The following NECTIN2 variants were observed in gnomAD, a reference collection of about 807,000 sequenced individuals.
NECTIN2 encodes the protein nectin cell adhesion molecule 2.
NECTIN2 carries 23 observed loss-of-function variants against 56.9 expected under a neutral mutation model. The observed-to-expected ratio is 0.40, with a 90% CI of 0.29 to 0.57. The LOEUF is 0.57. Among genes scored for constraint, NECTIN2 ranks in the 20% least tolerant of loss-of-function variants. The probability of loss-of-function intolerance (pLI) is 0.38; values close to 1 mark genes in which losing one functional copy is unlikely to be tolerated. For missense variants in NECTIN2, 587 were observed against 718.3 expected (o/e 0.82, Z 2.09); for synonymous variants, 302 against 313.8 (o/e 0.96, Z 0.40).
rs1014915329 is a variant in NECTIN2 at position 44,865,811 on chromosome 19, C to T, written c.478+151C>T. 2.4e-5 allele frequency: 23 copies of T among 956,934 alleles called. No homozygotes were observed. The highest frequency in any genetic ancestry group is 3.2e-4 in the Middle Eastern group (1 of 3,094). 59.3% of individuals were successfully genotyped at this position (956,934 alleles called of 1,614,324 possible). On this transcript the variant is annotated intron_variant, in intron 2 of 8. Transcript: ENST00000252483. The surrounding 1 kb of genome is among the most constrained non-coding windows in gnomAD (Gnocchi z 5.2). ...CAGCAAATGTTCATTAAGCACCTACCGCGTGCCAGATGCTTTTCTGTGTGC... is the reference window on the plus strand; with the variant it reads ...CAGCAAATGTTCATTAAGCACCTACTGCGTGCCAGATGCTTTTCTGTGTGC...
intron 2 of NECTIN2, among the ~76,000 whole-genome samples, chr19:44,866,483 A>G (rs1969103033): frequency 6.6e-6 from 1 of 152,016 alleles, no homozygotes; most frequent in Non-Finnish European, 1.5e-5. Context: ...AATTCTAGCT[A>G]AGGAGGTCTG....
intron 3 of NECTIN2, among the ~76,000 whole-genome samples, chr19:44,872,892 ATTG>A (rs1462324113): frequency 1.4e-5 from 2 of 147,728 alleles, no homozygotes; most frequent in Non-Finnish European, 3.0e-5. Context: ...ATTATTTATT[ATTG>A]TTATTTAATA....
chr19:44,863,153 G>C (rs403729), intron 1 of NECTIN2, among the ~76,000 whole-genome samples: 50,384 of 151,456 alleles, frequency 0.33, 9,239 homozygotes, highest in Non-Finnish European at 0.39. Flanking sequence ...CAGTGCGAGA[G>C]TCTGTCTCAA....
Position 44,875,965 on chromosome 19 carries a change from G to A in NECTIN2, c.1042+1487G>A, listed in dbSNP as rs1969232138. On this transcript the variant is annotated intron_variant, in intron 5 of 8. Coordinates refer to ENST00000252483, the MANE Select transcript of NECTIN2 (RefSeq NM_001042724.2). The surrounding 1 kb of genome is among the most constrained non-coding windows in gnomAD (Gnocchi z 4.2). ...GGAAGACGTCACACAGACACGCTGGGGGCAAAACTAATCCAGGACAGCAAC... is the reference window on the plus strand; with the variant it reads ...GGAAGACGTCACACAGACACGCTGGAGGCAAAACTAATCCAGGACAGCAAC... Among the ~76,000 whole-genome samples the A allele has an allele frequency of 6.6e-6, 1 of 152,098 alleles. No homozygotes were observed. The highest frequency in any genetic ancestry group is 2.1e-4 in the South Asian group (1 of 4,830).
intron 6 of NECTIN2, 100 bp downstream of exon 6, chr19:44,882,464 G>T: frequency 8.6e-7 from 1 of 1,161,194 alleles, no homozygotes; most frequent in Non-Finnish European, 1.1e-6. Context: ...TAATGGCTGT[G>T]TGAAACAGAC....
intron 1 of NECTIN2, among the ~76,000 whole-genome samples, chr19:44,853,052 C>T (rs1968919428): frequency 2.0e-5 from 3 of 151,296 alleles, no homozygotes; most frequent in Admixed American, 6.6e-5. Flanking sequence ...GTTGAGGCTG[C>T]GGCAAGCTGG....
intron 3 of NECTIN2, among the ~76,000 whole-genome samples, chr19:44,872,758 G>C (rs748699481): frequency 1.4e-5 from 2 of 146,250 alleles, no homozygotes; most frequent in Non-Finnish European, 3.0e-5. Flanking sequence ...TCTCTACACC[G>C]ACCCCTGATC....
At chr19:44,860,312 C>T (rs1969017534) in intron 1 of NECTIN2, among the ~76,000 whole-genome samples, 2 of 152,038 alleles carry the variant, frequency 1.3e-5, no homozygotes, top group African/African-American at 4.8e-5. Flanking sequence ...ATCGCTTGAG[C>T]TCAGGAGCCT....
intron 1 of NECTIN2, among the ~76,000 whole-genome samples, chr19:44,864,907 G>T (rs1969079311): frequency 1.3e-5 from 2 of 151,998 alleles, no homozygotes; most frequent in African/African-American, 4.8e-5. Flanking sequence ...ACATATTTTG[G>T]TTTTTGCTGA....
chr19:44,876,401 C>T (rs1235064909), intron 5 of NECTIN2, among the ~76,000 whole-genome samples: 3 of 152,180 alleles, frequency 2.0e-5, no homozygotes, highest in African/African-American at 2.4e-5. Context: ...AAAGACTCAG[C>T]GCTGTGGAAA....
intron 3 of NECTIN2, among the ~76,000 whole-genome samples, chr19:44,873,256 C>T (rs1381712936): frequency 6.6e-6 from 1 of 152,172 alleles, no homozygotes; most frequent in Non-Finnish European, 1.5e-5. Context: ...AACAGCTCCC[C>T]TGAGCCTCGT....
At chr19:44,862,278 G>A (rs1257128749) in intron 1 of NECTIN2, among the ~76,000 whole-genome samples, 1 of 69,166 alleles carries the variant, frequency 1.4e-5, no homozygotes, top group Non-Finnish European at 3.9e-5. Context: ...CACTGTGTGT[G>A]GTGGCGGGCA....
chr19:44,878,813 G>T, intron 5 of NECTIN2: 1 of 1,379,998 alleles, frequency 7.2e-7, no homozygotes, highest in African/African-American at 1.5e-5. Flanking sequence ...GGGCTGCATG[G>T]GGAGCCCGGG....
intron 5 of NECTIN2, among the ~76,000 whole-genome samples, chr19:44,881,729 CTGTT>C (rs895780831): frequency 5.9e-5 from 9 of 152,152 alleles, no homozygotes; most frequent in African/African-American, 2.2e-4. Context: ...GGGCCGCTGG[CTGTT>C]TGCGCTGCCT....
chr19:44,864,010 A>AT (rs1555786363), intron 1 of NECTIN2, among the ~76,000 whole-genome samples: 3,909 of 93,836 alleles, frequency 0.042, 80 homozygotes, highest in Non-Finnish European at 0.062. Context: ...TTTTCAGAGG[A>AT]TTCCCCCCCC....
At chr19:44,864,020 C>CA (rs201138989) in intron 1 of NECTIN2, among the ~76,000 whole-genome samples, 1 of 151,414 alleles carries the variant, frequency 6.6e-6, no homozygotes, top group East Asian at 1.9e-4. Flanking sequence ...ATTCCCCCCC[C>CA]CCAAAAAAAA....
At chr19:44,887,091 T>G (rs1216681685) in intron 8 of NECTIN2, among the ~76,000 whole-genome samples, 1 of 151,760 alleles carries the variant, frequency 6.6e-6, no homozygotes, top group Non-Finnish European at 1.5e-5. Context: ...GGCTCACACC[T>G]GTAATCCCAG....
intron 1 of NECTIN2, among the ~76,000 whole-genome samples, chr19:44,857,834 A>T (rs1968985545): frequency 6.6e-6 from 1 of 151,774 alleles, no homozygotes; most frequent in East Asian, 1.9e-4. Flanking sequence ...GCATGAGCCA[A>T]CGCACCCAGT....
rs747626966 is a variant in NECTIN2, at chr19:44,888,104, C to T, written c.1348-6C>T. The T allele has an allele frequency of 6.2e-7, 1 of 1,609,808 alleles. No individual in the cohort carries two copies. The highest frequency in any genetic ancestry group is 8.5e-7 in the Non-Finnish European group (1 of 1,176,654). On this transcript the variant is annotated splice_polypyrimidine_tract_variant and splice_region_variant and intron_variant, in intron 8 of 8. Coordinates refer to ENST00000252483, the MANE Select transcript of NECTIN2 (RefSeq NM_001042724.2). The stretch of plus-strand genomic sequence containing the variant: ...TCTTGAGTTCCTGTCCTCTCTCTAC[C>T]TCCAGGAAATGCCTCGATACCATGA...
Sources: allele counts gnomAD v4.1 joint callset (sites outside exome capture counted in the v4.1 genomes callset), GRCh38; gene constraint gnomAD v4.1.1; non-coding constraint Gnocchi (gnomAD v3.1); transcripts MANE v1.5; gene names NCBI Gene and HGNC (gene_info 2026-07-23, HGNC 2026-07-21).